Variants in ABCA13 observed in about 807,000 individuals in gnomAD.
ABCA13 encodes the protein ATP binding cassette subfamily A member 13.
A neutral mutation model predicts 478.7 loss-of-function variants in ABCA13; 476 were observed. That is an observed-to-expected ratio of 0.99 (90% CI 0.92 to 1.07). The LOEUF (loss-of-function observed/expected upper bound fraction) is 1.07. Ranked by LOEUF, ABCA13 falls within the 50% of genes least tolerant of loss-of-function variation. ABCA13 has a pLI of 0.00. For missense variants in ABCA13, 6,060 were observed against 5,910.6 expected (o/e 1.03, Z -0.83); for synonymous variants, 2,252 against 2,158.9 (o/e 1.04, Z -1.20).
chr7:48,628,647 A>T (rs1490689568), intron 59 of ABCA13, among the ~76,000 whole-genome samples: 1 of 152,194 alleles, frequency 6.6e-6, no homozygotes, highest in Non-Finnish European at 1.5e-5. Context: ...TAATTTATGT[A>T]CTTAGAGGTT....
chr7:48,531,514 T>C (rs918107371), intron 55 of ABCA13, among the ~76,000 whole-genome samples: 1 of 152,070 alleles, frequency 6.6e-6, no homozygotes, highest in Admixed American at 6.6e-5. Context: ...GATTTTTTTT[T>C]CTAGTTCTGT....
rs1402896430 is a variant in ABCA13, at chr7:48,272,875, T to C, written c.3209T>C (p.Ile1070Thr). Residue 1070 changes from isoleucine to threonine, a missense_variant, in exon 17 of 62, where the codon ATA becomes ACA. Ile to Thr is a moderately conservative substitution (Grantham distance 89). This residue lies in a region of ABCA13 where 4,423 missense variants were observed against 4,309.1 expected (regional missense o/e 1.03). Transcript: ENST00000435803. Reference protein sequence around the residue: ...TTLTGLKQLLIIDEDFRISLF... With the variant: ...TTLTGLKQLLTIDEDFRISLF... ...TTGACAGGCCTCAAACAGCTGCTCA[T>C]AATTGATGAAGATTTTCGTATTTCT... 1.9e-6 allele frequency: 3 copies of C among 1,607,858 alleles called. No individual in the cohort carries two copies. Among genetic ancestry groups the C allele is most frequent in the Admixed American group, 1.7e-5 (1 of 59,198 alleles).
intron 31 of ABCA13, among the ~76,000 whole-genome samples, chr7:48,366,980 C>A (rs1281703472): frequency 6.6e-6 from 1 of 152,098 alleles, no homozygotes; most frequent in Non-Finnish European, 1.5e-5. Context: ...GTATCACCAG[C>A]CCAGTAACAC....
rs150466295 is a variant in ABCA13, at chr7:48,423,207, G to A, written c.12460-4559G>A. ...CAGTTGCTAGTACCTCTAGTGTTTC[G>A]TATCATCTAAGTTGTCCATGTGTTT... is the stretch of plus-strand genomic sequence containing the variant. On this transcript the variant is annotated intron_variant, in intron 41 of 61. Coordinates refer to ENST00000435803, the MANE Select transcript of ABCA13 (RefSeq NM_152701.5). Among the ~76,000 whole-genome samples the A allele has an allele frequency of 3.4e-3, 525 of 152,232 alleles. 3 individuals carry two copies. Among genetic ancestry groups the A allele is most frequent in the East Asian group, 0.018 (92 of 5,188 alleles).
At chr7:48,445,011 C>CTTT (rs34045232) in intron 42 of ABCA13, among the ~76,000 whole-genome samples, 7 of 141,514 alleles carry the variant, frequency 4.9e-5, no homozygotes, top group African/African-American at 1.6e-4. Flanking sequence ...TTCTTTCTTT[C>CTTT]TTTTTTTTTT....
chr7:48,380,743 G>A (rs991119633), intron 35 of ABCA13, among the ~76,000 whole-genome samples: 4 of 152,142 alleles, frequency 2.6e-5, no homozygotes, highest in African/African-American at 9.7e-5. Flanking sequence ...TGGGGTTGAA[G>A]GAGTGCAGTT....
At chr7:48,323,586 T>C (rs568195701) in intron 27 of ABCA13, among the ~76,000 whole-genome samples, 1 of 152,312 alleles carries the variant, frequency 6.6e-6, no homozygotes, top group African/African-American at 2.4e-5. Flanking sequence ...CATGTATGCC[T>C]CACAACCACC....
Position 48,346,940 on chromosome 7 carries a change from A to T in ABCA13, c.10205-3703A>T, listed in dbSNP as rs567771213. Among the ~76,000 whole-genome samples the T allele has an allele frequency of 2.6e-5, 4 of 152,240 alleles. 1 individual carries two copies. In the South Asian group the frequency reaches 8.3e-4, roughly 32 times the overall value. ...TTCCCAAACCAGGTTACCCCAGCCC[A>T]TGTATTTAGTGGGTCTTGCTTTTTG... On this transcript the variant is annotated intron_variant, in intron 29 of 61. Coordinates refer to ENST00000435803, the MANE Select transcript of ABCA13 (RefSeq NM_152701.5).
intron 5 of ABCA13, among the ~76,000 whole-genome samples, chr7:48,226,598 T>G (rs17712049): frequency 6.6e-6 from 1 of 152,146 alleles, no homozygotes; most frequent in African/African-American, 2.4e-5. Context: ...CCAGCAACTG[T>G]GGAGCTTGGA....
intron 27 of ABCA13, among the ~76,000 whole-genome samples, chr7:48,334,518 G>T (rs1421011673): frequency 2.0e-5 from 3 of 152,124 alleles, no homozygotes; most frequent in Admixed American, 6.5e-5. Context: ...GTATTTTTTA[G>T]TAGAGATGGG....
At chr7:48,225,602 G>A (rs1045220755) in intron 5 of ABCA13, among the ~76,000 whole-genome samples, 3 of 152,040 alleles carry the variant, frequency 2.0e-5, no homozygotes, top group Non-Finnish European at 4.4e-5. Flanking sequence ...GTTCTGGAAC[G>A]GTCTTTGTTT....
At chr7:48,344,393 C>A (rs773646615) in intron 29 of ABCA13, among the ~76,000 whole-genome samples, 2 of 152,166 alleles carry the variant, frequency 1.3e-5, no homozygotes, top group Non-Finnish European at 2.9e-5. Flanking sequence ...GGAGGAGACA[C>A]GTTGGAATGT....
chr7:48,521,420 A>T (rs1226658222), intron 53 of ABCA13, among the ~76,000 whole-genome samples: 4 of 152,210 alleles, frequency 2.6e-5, no homozygotes, highest in African/African-American at 9.6e-5. Flanking sequence ...ATTTCCTGAC[A>T]TATTTTGTTA....
At chr7:48,525,403 G>C in intron 54 of ABCA13, among the ~76,000 whole-genome samples, 1 of 152,070 alleles carries the variant, frequency 6.6e-6, no homozygotes, top group Admixed American at 6.6e-5. Flanking sequence ...AAAGGGGTGT[G>C]GGAGGGCCAA....
chr7:48,195,172 A>T (rs369977896), intron 2 of ABCA13, among the ~76,000 whole-genome samples: 1 of 152,222 alleles, frequency 6.6e-6, no homozygotes, highest in East Asian at 1.9e-4. Flanking sequence ...AAAGGCAGAG[A>T]TGTGGCTGAA....
intron 60 of ABCA13, 70 bp downstream of exon 60, chr7:48,643,463 TTTG>T (rs1795246920): frequency 7.4e-7 from 1 of 1,347,898 alleles, no homozygotes; most frequent in African/African-American, 1.5e-5. Flanking sequence ...CCTGTCTTTT[TTTG>T]TTTTTATTCT....
At chr7:48,293,193 C>CA (rs1554419598) in intron 20 of ABCA13, among the ~76,000 whole-genome samples, 3 of 64,526 alleles carry the variant, frequency 4.6e-5, no homozygotes, top group East Asian at 1.1e-3. Flanking sequence ...AAGTCTTCAG[C>CA]CCCCCCCCCG....
At chr7:48,362,546 T>C (rs1485219210) in intron 31 of ABCA13, among the ~76,000 whole-genome samples, 1 of 151,498 alleles carries the variant, frequency 6.6e-6, no homozygotes, top group Admixed American at 6.6e-5. Flanking sequence ...TTCTTATATA[T>C]GTGGCCTTAA....
chr7:48,323,707 T>C (rs189682885), intron 27 of ABCA13, among the ~76,000 whole-genome samples: 4 of 152,306 alleles, frequency 2.6e-5, no homozygotes, highest in Admixed American at 6.5e-5. Context: ...GAGCTGGAAT[T>C]CAGGCCCAGT....
Sources: gnomAD v4.1 joint callset for allele counts (sites outside exome capture counted in the v4.1 genomes callset) on GRCh38, gnomAD v4.1.1 for gene constraint, gnomAD v4.1.1 regional missense constraint, MANE v1.5 for transcripts, NCBI Gene and HGNC (gene_info 2026-07-23, HGNC 2026-07-21) for gene names.